The following LMBR1 variants were observed in gnomAD, a reference collection of about 807,000 sequenced individuals.
LMBR1 encodes limb development membrane protein 1.
A neutral mutation model predicts 73.9 loss-of-function variants in LMBR1; 52 were observed. That is an observed-to-expected ratio of 0.70 (90% CI 0.56 to 0.89). The LOEUF (loss-of-function observed/expected upper bound fraction) is 0.89. Ranked by LOEUF, LMBR1 falls within the 40% of genes least tolerant of loss-of-function variation. The pLI is 0.00. For missense variants in LMBR1, 539 were observed against 579.8 expected (o/e 0.93, Z 0.72); for synonymous variants, 215 against 209.4 (o/e 1.03, Z -0.23).
chr7:156,764,848 A>G (rs1186875391), intron 5 of LMBR1, among the ~76,000 whole-genome samples: 1 of 152,210 alleles, frequency 6.6e-6, no homozygotes, highest in Non-Finnish European at 1.5e-5. Context: ...AAGCATGGAG[A>G]GGTATACCTA....
rs141936861 is a variant in LMBR1, at chr7:156,686,224, G to A, written c.1387+1806C>T. Among the ~76,000 whole-genome samples, 130 of 152,242 alleles carry A rather than the reference G, an allele frequency of 8.5e-4. 1 individual carries two copies. Among genetic ancestry groups the A allele is most frequent in the African/African-American group, 2.9e-3 (122 of 41,548 alleles). On this transcript the variant is annotated intron_variant, in intron 16 of 16. Transcript: ENST00000353442. ...TCATGTAGGTTATGCATTCTGAAAC[G>A]TTCTGATGTGTCTCTTCTGCAGACA...
At chr7:156,676,107 A>T, downstream of LMBR1, 1 of 802,006 alleles carries the variant, frequency 1.2e-6, no homozygotes, top group Non-Finnish European at 1.9e-6. Flanking sequence ...CTGTGGTAGG[A>T]CTTTCCTCAT....
chr7:156,891,233 T>TATATAC (rs1313373343), intron 1 of LMBR1, among the ~76,000 whole-genome samples: 1 of 68,860 alleles, frequency 1.5e-5, no homozygotes, highest in African/African-American at 6.0e-5. Flanking sequence ...TATATATATA[T>TATATAC]ACACACACAC....
intron 4 of LMBR1, among the ~76,000 whole-genome samples, chr7:156,808,552 G>A (rs909852045): frequency 6.6e-6 from 1 of 152,090 alleles, no homozygotes; most frequent in African/African-American, 2.4e-5. Flanking sequence ...TTTAGTTGTA[G>A]TGTTTAGAAC....
At chr7:156,719,170 C>T (rs1295295182) in intron 15 of LMBR1, among the ~76,000 whole-genome samples, 3 of 144,770 alleles carry the variant, frequency 2.1e-5, no homozygotes, top group Non-Finnish European at 4.5e-5. Context: ...TGTGATGTTC[C>T]CCTTCCTCTG....
intron 9 of LMBR1, among the ~76,000 whole-genome samples, chr7:156,745,540 T>C (rs532098464): frequency 2.0e-5 from 3 of 152,334 alleles, no homozygotes; most frequent in Non-Finnish European, 2.9e-5. Context: ...GCTGGGTCTC[T>C]CTAGGTGCAA....
chr7:156,764,634 A>T (rs1445200985), intron 5 of LMBR1, among the ~76,000 whole-genome samples: 1 of 152,230 alleles, frequency 6.6e-6, no homozygotes, highest in Non-Finnish European at 1.5e-5. Context: ...CAAAATTATA[A>T]ATACATCCAT....
At chr7:156,803,475 T>C (rs1361874759) in intron 4 of LMBR1, among the ~76,000 whole-genome samples, 1 of 152,122 alleles carries the variant, frequency 6.6e-6, no homozygotes, top group Non-Finnish European at 1.5e-5. Flanking sequence ...CCAGTTAGAA[T>C]GGCGATCATT....
intron 3 of LMBR1, among the ~76,000 whole-genome samples, chr7:156,833,183 T>TA (rs1475397811): frequency 2.6e-5 from 4 of 152,136 alleles, no homozygotes; most frequent in African/African-American, 9.7e-5. Context: ...AATGTATCAA[T>TA]AAAAAAATCC....
At chr7:156,828,515 G>A (rs1836089762) in intron 3 of LMBR1, among the ~76,000 whole-genome samples, 1 of 152,076 alleles carries the variant, frequency 6.6e-6, no homozygotes, top group African/African-American at 2.4e-5. Context: ...ATCCAACCAG[G>A]AAGACAGAAC....
intron 5 of LMBR1, among the ~76,000 whole-genome samples, chr7:156,795,848 G>A (rs1041286401): frequency 3.3e-5 from 5 of 152,086 alleles, no homozygotes; most frequent in Admixed American, 1.3e-4. Flanking sequence ...CACTGCACCC[G>A]GCCATTGACT....
intron 3 of LMBR1, among the ~76,000 whole-genome samples, chr7:156,828,880 TTCC>T (rs1836158090): frequency 6.6e-6 from 1 of 152,210 alleles, no homozygotes; most frequent in African/African-American, 2.4e-5. Flanking sequence ...ATTTTCCCTT[TTCC>T]TCCTTTTTCC....
At chr7:156,875,518 C>T (rs1268423165) in intron 1 of LMBR1, among the ~76,000 whole-genome samples, 1 of 152,168 alleles carries the variant, frequency 6.6e-6, no homozygotes, top group Non-Finnish European at 1.5e-5. Flanking sequence ...ACATTGTCAT[C>T]AACTTATCAA....
chr7:156,830,985 T>C (rs1229534101), intron 3 of LMBR1, among the ~76,000 whole-genome samples: 2 of 152,076 alleles, frequency 1.3e-5, no homozygotes, highest in Non-Finnish European at 2.9e-5. Flanking sequence ...AATATGTAAA[T>C]GTATAATAAA....
intron 4 of LMBR1, among the ~76,000 whole-genome samples, chr7:156,809,987 A>G (rs181257206): frequency 1.6e-3 from 247 of 152,268 alleles, no homozygotes; most frequent in African/African-American, 5.6e-3. Flanking sequence ...CTCCTTTAGA[A>G]ACACCAACTA....
At chr7:156,863,197 T>A (rs931875259) in intron 1 of LMBR1, among the ~76,000 whole-genome samples, 1 of 152,144 alleles carries the variant, frequency 6.6e-6, no homozygotes, top group African/African-American at 2.4e-5. Flanking sequence ...GGTCCCACAA[T>A]AGGCCGTCTG....
Position 156,682,196 on chromosome 7 carries a change from A to G in LMBR1, c.*1882T>C, listed in dbSNP as rs1319610292. 1 of 152,286 alleles carries G rather than the reference A, an allele frequency of 6.6e-6. No homozygotes were observed. The highest frequency in any genetic ancestry group is 1.5e-5 in the Non-Finnish European group (1 of 68,056). The allele number at this position is 152,286 out of a possible 1,614,324, so 9.4% of individuals were successfully genotyped here. On this transcript the variant is annotated 3_prime_UTR_variant, in exon 17 of 17. Coordinates refer to ENST00000353442, the MANE Select transcript of LMBR1 (RefSeq NM_022458.4). ...GAGAGAAACTTCCAAATGAACAAAAAGTTGAGCTAAACACTGAAAAGTTTA... is the reference window on the plus strand; with the variant it reads ...GAGAGAAACTTCCAAATGAACAAAAGGTTGAGCTAAACACTGAAAAGTTTA...
chr7:156,844,346 A>G (rs1437281418), intron 1 of LMBR1, among the ~76,000 whole-genome samples: 1 of 152,090 alleles, frequency 6.6e-6, no homozygotes, highest in Non-Finnish European at 1.5e-5. Context: ...GCTACACACT[A>G]TGAAAATAAG....
intron 9 of LMBR1, among the ~76,000 whole-genome samples, chr7:156,741,253 C>T (rs1193942668): frequency 2.0e-5 from 3 of 151,962 alleles, no homozygotes; most frequent in Non-Finnish European, 4.4e-5. Flanking sequence ...GAAGACTATA[C>T]AAAACAACCA....
Sources: allele counts gnomAD v4.1 joint callset (sites outside exome capture counted in the v4.1 genomes callset), GRCh38; gene constraint gnomAD v4.1.1; transcripts MANE v1.5; gene names NCBI Gene and HGNC (gene_info 2026-07-23, HGNC 2026-07-21).